NME7: variants seen among roughly 807,000 people sequenced by gnomAD.
The protein encoded by NME7 is NME/NM23 family member 7, also known as nucleoside diphosphate kinase 7.
In NME7, 41 loss-of-function variants were observed where a neutral mutation model predicts 49.1. The ratio of observed to expected loss-of-function variants is 0.83; its 90% CI spans 0.65 to 1.08. The LOEUF (loss-of-function observed/expected upper bound fraction) is 1.08. Ranked by LOEUF, NME7 falls within the 50% of genes least tolerant of loss-of-function variation. The pLI, the probability that NME7 is intolerant of heterozygous loss-of-function variation, is 0.00. For missense variants in NME7, 423 were observed against 463.4 expected (o/e 0.91, Z 0.80); for synonymous variants, 139 against 150.6 (o/e 0.92, Z 0.56).
intron 7 of NME7, among the ~76,000 whole-genome samples, chr1:169,281,279 T>G (rs1221147869): frequency 6.6e-6 from 1 of 152,206 alleles, no homozygotes; most frequent in African/African-American, 2.4e-5. Flanking sequence ...GTAAGAATGC[T>G]TGTAATTTTT....
chr1:169,222,178 T>C (rs1661163845), intron 10 of NME7, among the ~76,000 whole-genome samples: 1 of 152,236 alleles, frequency 6.6e-6, no homozygotes. Flanking sequence ...TCATTTTCCA[T>C]CATATGAAAT....
intron 11 of NME7, among the ~76,000 whole-genome samples, chr1:169,141,765 T>C (rs550182070): frequency 1.1e-3 from 171 of 152,154 alleles, no homozygotes; most frequent in African/African-American, 3.9e-3. Context: ...TTTTTTTTTA[T>C]AAGGACAGAT....
At chr1:169,230,561 A>G (rs1452330173) in intron 10 of NME7, among the ~76,000 whole-genome samples, 157 bp downstream of exon 10, 1 of 152,224 alleles carries the variant, frequency 6.6e-6, no homozygotes, top group African/African-American at 2.4e-5. Flanking sequence ...AATGTTATGT[A>G]AAAATAAATT....
chr1:169,313,525 G>A (rs2101924714), intron 3 of NME7, among the ~76,000 whole-genome samples: 1 of 152,212 alleles, frequency 6.6e-6, no homozygotes, highest in Non-Finnish European at 1.5e-5. Context: ...CAGAAGCAAA[G>A]ACAATTAATT....
chr1:169,213,325 T>C (rs575351322), intron 10 of NME7, among the ~76,000 whole-genome samples: 96 of 152,036 alleles, frequency 6.3e-4, no homozygotes, highest in Middle Eastern at 3.4e-3. Context: ...GGTAACTTTA[T>C]AGAACTTAAC....
chr1:169,344,453 T>C (rs1346058594), intron 1 of NME7, among the ~76,000 whole-genome samples: 1 of 152,214 alleles, frequency 6.6e-6, no homozygotes, highest in African/African-American at 2.4e-5. Flanking sequence ...ATCCTAGCCT[T>C]GTTCCCAATC....
intron 7 of NME7, among the ~76,000 whole-genome samples, 156 bp from the exon 8 acceptor site, chr1:169,237,843 C>T (rs887796547): frequency 6.6e-6 from 1 of 151,990 alleles, no homozygotes; most frequent in Non-Finnish European, 1.5e-5. Context: ...ATCCCTAATA[C>T]TGAGCATTAA....
chr1:169,143,500 G>C (rs1232423509), intron 11 of NME7, among the ~76,000 whole-genome samples: 1 of 151,982 alleles, frequency 6.6e-6, no homozygotes, highest in South Asian at 2.1e-4. Context: ...AACTCATCCT[G>C]TCTTTCACTA....
chr1:169,278,229 G>A (rs1161948329), intron 7 of NME7, among the ~76,000 whole-genome samples: 1 of 148,072 alleles, frequency 6.8e-6, no homozygotes, highest in African/African-American at 2.4e-5. Flanking sequence ...TCTGAATGTT[G>A]GCCTGCCTTG....
intron 3 of NME7, among the ~76,000 whole-genome samples, chr1:169,314,558 A>T (rs76768907): frequency 2.0e-3 from 308 of 152,260 alleles, no homozygotes; most frequent in African/African-American, 6.8e-3. Flanking sequence ...AGCCAAGTAT[A>T]TTAGTAGTTA....
At chr1:169,291,104 A>G (rs779833865) in intron 6 of NME7, among the ~76,000 whole-genome samples, 2 of 152,168 alleles carry the variant, frequency 1.3e-5, no homozygotes, top group Non-Finnish European at 2.9e-5. Flanking sequence ...CAGTGTGGTA[A>G]TTCCTCAAGG....
intron 7 of NME7, among the ~76,000 whole-genome samples, chr1:169,254,121 T>C (rs1648779129): frequency 6.7e-6 from 1 of 150,138 alleles, no homozygotes; most frequent in Non-Finnish European, 1.5e-5. Context: ...TTGATTGGAA[T>C]AGTTTCAGAA....
chr1:169,161,011 T>TC (rs1305361873), intron 11 of NME7, among the ~76,000 whole-genome samples: 1 of 152,166 alleles, frequency 6.6e-6, no homozygotes, highest in Non-Finnish European at 1.5e-5. Context: ...CCCACTTGTT[T>TC]CCCTGCCTGA....
chr1:169,140,520 G>A (rs887920065), intron 11 of NME7, among the ~76,000 whole-genome samples: 2 of 152,008 alleles, frequency 1.3e-5, no homozygotes, highest in African/African-American at 4.8e-5. Context: ...AAGGACATAT[G>A]GCCCCATGTT....
rs1649804165 is a variant in NME7, at chr1:169,277,792, T to C, written c.754+9511A>G. On this transcript the variant is annotated intron_variant, in intron 7 of 11. Transcript: ENST00000367811. ...GTTTCTTCCTAGTCTTGATGGTCTT[T>C]ACATTTTGGCATGATTTTGCAGCGG... is the stretch of plus-strand genomic sequence containing the variant. Among the ~76,000 whole-genome samples the C allele has an allele frequency of 2.3e-5, 3 of 129,902 alleles. No individual in the cohort carries two copies. In the South Asian group the frequency reaches 7.6e-4, roughly 33 times the overall value. 85.2% of individuals were successfully genotyped at this position (129,902 alleles called of 152,430 possible). A position where few individuals can be genotyped will look rare whatever the true frequency, so the allele number is the denominator to read the frequency against.
intron 3 of NME7, 39 bp downstream of exon 3, chr1:169,323,078 G>C (rs774602326): frequency 6.8e-7 from 1 of 1,464,052 alleles, no homozygotes; most frequent in Non-Finnish European, 9.0e-7. Flanking sequence ...TGAACCCAAA[G>C]TTAGAGCATG....
chr1:169,225,683 T>C (rs1647301405), intron 10 of NME7, among the ~76,000 whole-genome samples: 2 of 152,182 alleles, frequency 1.3e-5, no homozygotes, highest in Non-Finnish European at 2.9e-5. Flanking sequence ...AAGTCTAATA[T>C]TTCCCCCCTC....
intron 9 of NME7, among the ~76,000 whole-genome samples, chr1:169,234,346 C>T (rs1300808118): frequency 6.6e-6 from 1 of 152,020 alleles, no homozygotes; most frequent in Non-Finnish European, 1.5e-5. Context: ...ATAGCAGATA[C>T]TCAATATATA....
At chr1:169,301,316 G>GA (rs1324163300) in intron 5 of NME7, among the ~76,000 whole-genome samples, 3 of 152,042 alleles carry the variant, frequency 2.0e-5, no homozygotes, top group African/African-American at 7.2e-5. Context: ...ATAAGCATAC[G>GA]AAAAAACGCT....
Sources: allele counts gnomAD v4.1 joint callset (sites outside exome capture counted in the v4.1 genomes callset), GRCh38; gene constraint gnomAD v4.1.1; transcripts MANE v1.5; gene names NCBI Gene and HGNC (gene_info 2026-07-23, HGNC 2026-07-21).